SCEL: variants seen among roughly 807,000 people sequenced by gnomAD.
SCEL encodes sciellin.
In SCEL, 113 loss-of-function variants were observed where a neutral mutation model predicts 117.6. The ratio of observed to expected loss-of-function variants is 0.96; its 90% CI spans 0.83 to 1.12. SCEL has a LOEUF of 1.12. Among genes scored for constraint, SCEL ranks in the 50% most tolerant of loss-of-function variants. The pLI is 0.00. For missense variants in SCEL, 785 were observed against 810.8 expected, an observed-to-expected ratio of 0.97 and a Z score of 0.39; for synonymous variants, 270 against 256.2, an observed-to-expected ratio of 1.05 and a Z score of -0.51.
intron 13 of SCEL, among the ~76,000 whole-genome samples, chr13:77,598,844 G>T (rs2087435453): frequency 6.6e-6 from 1 of 152,086 alleles, no homozygotes; most frequent in Admixed American, 6.6e-5. Context: ...ACCATGCCTG[G>T]CTAAGTTTTA....
rs1256530776 is a variant in SCEL, at chr13:77,555,909, A to C, written c.34A>C (p.Thr12Pro). 6.2e-7 allele frequency: 1 copy of C among 1,613,442 alleles called. No homozygotes were observed. The highest frequency in any genetic ancestry group is 8.5e-7 in the Non-Finnish European group (1 of 1,179,494). Reference protein sequence around the residue: ...SNVTLRKMSPTGNEMKSTTQG... With the variant: ...SNVTLRKMSPPGNEMKSTTQG... Reference sequence around the variant, plus strand: ...TGTTACCTTGAGAAAAATGTCTCCCACAGGAAATGGTAATGTACATGATGT... The same window carrying C: ...TGTTACCTTGAGAAAAATGTCTCCCCCAGGAAATGGTAATGTACATGATGT... Residue 12 changes from threonine (T) to proline (P), a missense_variant, in exon 2 of 33, where the codon ACA (threonine) becomes CCA (proline). Coordinates refer to ENST00000349847, the MANE Select transcript of SCEL (RefSeq NM_144777.3).
intron 13 of SCEL, among the ~76,000 whole-genome samples, chr13:77,598,113 C>A (rs1441354437): frequency 2.0e-5 from 3 of 152,120 alleles, no homozygotes; most frequent in Non-Finnish European, 4.4e-5. Context: ...AGGCCTGTGC[C>A]ACCACGTGTG....
rs1164320348 is a variant in SCEL, at chr13:77,568,322, A to G, written c.387A>G (p.Glu129=). ...NRSMSMFRSL[E]VTKLQPGGSL... is the part of the protein sequence containing the mutation. ...GCATGTCCATGTTTAGATCACTGGAAGTAACAAAGTTGTATGTATTCTTTC... is the reference window on the plus strand; with the variant it reads ...GCATGTCCATGTTTAGATCACTGGAGGTAACAAAGTTGTATGTATTCTTTC... The change falls in exon 7 of 33, where the codon GAA becomes GAG. Residue 129 remains glutamate, a synonymous_variant. Coordinates refer to ENST00000349847, the MANE Select transcript of SCEL (RefSeq NM_144777.3). The G allele has an allele frequency of 6.4e-7, 1 of 1,568,606 alleles. No homozygotes were observed. Among genetic ancestry groups the G allele is most frequent in the South Asian group, 1.1e-5 (1 of 88,038 alleles).
At chr13:77,553,947 C>T (rs1442983428) in intron 1 of SCEL, among the ~76,000 whole-genome samples, 1 of 152,068 alleles carries the variant, frequency 6.6e-6, no homozygotes, top group African/African-American at 2.4e-5. Context: ...GATCTTCAGA[C>T]TCTTGGTTAT....
At position 77,599,614 on chromosome 13, in the gene SCEL, C is replaced by G. The variant is rs1367770221; in HGVS notation, c.858-75C>G. 6.4e-6 allele frequency: 7 copies of G among 1,094,458 alleles called. No individual in the cohort carries two copies. The African/African-American group carries it at 9.3e-5, about 15-fold the overall frequency. The allele number at this position is 1,094,458 out of a possible 1,614,324, so 67.8% of individuals were successfully genotyped here. On this transcript the variant is annotated intron_variant, in intron 14 of 32. Transcript: ENST00000349847. ...AGCAATTCATGGAGAATGTTTATTG[C>G]ATTTGACCTTTCAAGATACCACACA...
At chr13:77,576,639 ACTT>A (rs1411535362) in intron 9 of SCEL, among the ~76,000 whole-genome samples, 6 of 152,280 alleles carry the variant, frequency 3.9e-5, no homozygotes, top group South Asian at 4.1e-4. Flanking sequence ...TGAAATCCAT[ACTT>A]CTTCATCCTA....
chr13:77,568,720 A>G (rs1458048746), intron 7 of SCEL, among the ~76,000 whole-genome samples: 1 of 152,024 alleles, frequency 6.6e-6, no homozygotes, highest in Non-Finnish European at 1.5e-5. Flanking sequence ...CCTCCTTCAG[A>G]GAAAATTGAA....
chr13:77,572,474 C>A (rs1238106709), intron 9 of SCEL, among the ~76,000 whole-genome samples: 1 of 152,184 alleles, frequency 6.6e-6, no homozygotes, highest in Non-Finnish European at 1.5e-5. Context: ...CAGACTGCCA[C>A]GAAGTGCCAC....
At chr13:77,547,716 G>A (rs2084071858) in intron 1 of SCEL, among the ~76,000 whole-genome samples, 1 of 152,176 alleles carries the variant, frequency 6.6e-6, no homozygotes, top group Admixed American at 6.5e-5. Context: ...CCAACATTCT[G>A]CCATAGGGTC....
chr13:77,560,265 T>TAAAAA (rs5804913), intron 4 of SCEL, among the ~76,000 whole-genome samples: 1 of 133,184 alleles, frequency 7.5e-6, no homozygotes. Context: ...ACCCTGCCTC[T>TAAAAA]AAAAAAAAAA....
At chr13:77,559,945 T>G in intron 4 of SCEL, 82 bp downstream of exon 4, 1 of 1,176,016 alleles carries the variant, frequency 8.5e-7, no homozygotes, top group South Asian at 1.3e-5. Context: ...GACAGCTGAA[T>G]ATTTGCAGCA....
chr13:77,621,398 C>G (rs1452188407), intron 27 of SCEL, among the ~76,000 whole-genome samples: 1 of 152,082 alleles, frequency 6.6e-6, no homozygotes, highest in African/African-American at 2.4e-5. Flanking sequence ...TCCTTCATCG[C>G]GATTGCTTGG....
At chr13:77,603,310 T>C (rs2087854162) in intron 18 of SCEL, among the ~76,000 whole-genome samples, 175 bp downstream of exon 18, 1 of 152,174 alleles carries the variant, frequency 6.6e-6, no homozygotes, top group South Asian at 2.1e-4. Context: ...TTTGGAGCAT[T>C]GTCTTAATGT....
intron 1 of SCEL, among the ~76,000 whole-genome samples, chr13:77,545,296 C>T (rs2083927433): frequency 6.6e-6 from 1 of 152,128 alleles, no homozygotes; most frequent in Non-Finnish European, 1.5e-5. Context: ...ACTGAGGCTA[C>T]CAAAGTGTCA....
At chr13:77,634,336 G>C (rs946718328) in intron 28 of SCEL, 43 bp from the exon 29 acceptor site, 1 of 1,490,894 alleles carries the variant, frequency 6.7e-7, no homozygotes, top group African/African-American at 1.4e-5. Flanking sequence ...TATTATCCTT[G>C]CAAATAAACT....
chr13:77,599,678 T>A lies in SCEL; in HGVS notation c.858-11T>A. ...ATGCAGCCTTTTATGTGAATTTCTT[T>A]GTGTTTTCAGAGCCAAAAGCCTTGA... On this transcript the variant is annotated splice_polypyrimidine_tract_variant and intron_variant, in intron 14 of 32. Coordinates refer to ENST00000349847, the MANE Select transcript of SCEL (RefSeq NM_144777.3). 6.2e-7 allele frequency: 1 copy of A among 1,600,158 alleles called. No individual in the cohort carries two copies. The highest frequency in any genetic ancestry group is 8.6e-7 in the Non-Finnish European group (1 of 1,167,202).
intron 1 of SCEL, among the ~76,000 whole-genome samples, chr13:77,540,827 T>C (rs570160104): frequency 6.6e-6 from 1 of 152,306 alleles, no homozygotes; most frequent in South Asian, 2.1e-4. Flanking sequence ...AAGTAGGTGA[T>C]GACTACTTTG....
intron 1 of SCEL, among the ~76,000 whole-genome samples, chr13:77,543,082 C>CTTTT (rs71203061): frequency 8.2e-5 from 10 of 122,466 alleles, no homozygotes; most frequent in East Asian, 2.2e-4. Context: ...TCTACTTTAG[C>CTTTT]TTTTTTTTTT....
chr13:77,640,578 C>A (rs1205182102), intron 30 of SCEL, 98 bp from the exon 31 acceptor site: 1 of 464,346 alleles, frequency 2.2e-6, no homozygotes, highest in East Asian at 3.5e-5. Context: ...AGTAAAGTAT[C>A]ATCAAAATTA....
Sources: gnomAD v4.1 joint callset for allele counts (sites outside exome capture counted in the v4.1 genomes callset) on GRCh38, gnomAD v4.1.1 for gene constraint, MANE v1.5 for transcripts, NCBI Gene and HGNC (gene_info 2026-07-23, HGNC 2026-07-21) for gene names.